Variants in RRM2 observed in about 807,000 individuals in gnomAD.
RRM2 encodes ribonucleotide reductase regulatory subunit M2.
In RRM2, 6 loss-of-function variants were observed where a neutral mutation model predicts 45.9. That is an observed-to-expected ratio of 0.13 (90% CI 0.07 to 0.26). The LOEUF is 0.26. Ranked by LOEUF, RRM2 falls within the 10% of genes least tolerant of loss-of-function variation. RRM2 has a pLI of 1.00. For missense variants in RRM2, 343 were observed against 489.5 expected (o/e 0.70, Z 2.82); for synonymous variants, 177 against 173.0 (o/e 1.02, Z -0.18).
chr2:10,152,222 G>A (rs7424174), intron 3 of RRM2, among the ~76,000 whole-genome samples: 96,377 of 151,644 alleles, frequency 0.64, 31,128 homozygotes, highest in African/African-American at 0.7. Flanking sequence ...TGCTGGGATT[G>A]CAGGTGTGAG....
At position 10,128,894 on chromosome 2, in the gene RRM2, A is replaced by C. The variant is rs1662839781; in HGVS notation, c.845A>C (p.His282Pro). The change falls in exon 8 of 10, where the codon CAC (histidine) becomes CCC (proline). Residue 282 changes from histidine to proline, a missense_variant. By Grantham distance (77) the His-to-Pro change is moderately conservative. Around this residue, in one of 2 missense-constraint regions of RRM2, gnomAD observed 212 missense variants for 368.1 expected, o/e 0.58. Transcript: ENST00000304567. ...TGCCTGATGTTCAAACACCTGGTAC[A>C]CAAACCATCGGAGGAGAGAGTAAGA... The part of the protein sequence containing the change: ...FACLMFKHLV[H>P]KPSEERVREI... The C allele has an allele frequency of 6.2e-7, 1 of 1,614,066 alleles. No individual in the cohort carries two copies. Among genetic ancestry groups the C allele is most frequent in the Non-Finnish European group, 8.5e-7 (1 of 1,180,002 alleles).
intron 3 of RRM2, among the ~76,000 whole-genome samples, chr2:10,153,205 G>A (rs531156491): frequency 6.6e-6 from 1 of 151,886 alleles, no homozygotes; most frequent in Admixed American, 6.6e-5. Flanking sequence ...GTGCTGGCGC[G>A]CACCTGTAGT....
chr2:10,191,233 A>G (rs754520812), intron 3 of RRM2, among the ~76,000 whole-genome samples: 2 of 152,214 alleles, frequency 1.3e-5, no homozygotes, highest in Non-Finnish European at 2.9e-5. Context: ...GTTGGCTGTC[A>G]GGGGAGCAGA....
chr2:10,143,807 A>G (rs1185998061), intron 3 of RRM2, among the ~76,000 whole-genome samples: 1 of 152,118 alleles, frequency 6.6e-6, no homozygotes, highest in East Asian at 1.9e-4. Context: ...AGCTGGGACT[A>G]CAGGTGTGCA....
chr2:10,143,675 T>A (rs1243572279), intron 3 of RRM2, among the ~76,000 whole-genome samples: 1 of 149,016 alleles, frequency 6.7e-6, no homozygotes, highest in Non-Finnish European at 1.5e-5. Context: ...CTCTGCACAA[T>A]TTTTTTTTTT....
intron 3 of RRM2, among the ~76,000 whole-genome samples, chr2:10,154,628 C>T (rs373917615): frequency 6.6e-5 from 10 of 151,004 alleles, no homozygotes; most frequent in African/African-American, 1.5e-4. Flanking sequence ...GACCAAGTTC[C>T]GCTGAGTGGC....
downstream of RRM2, among the ~76,000 whole-genome samples, chr2:10,135,180 G>T (rs931715410): frequency 6.6e-6 from 1 of 152,070 alleles, no homozygotes; most frequent in African/African-American, 2.4e-5. Context: ...GATGAGCAGA[G>T]AAATTGGTTG....
At chr2:10,123,927 G>C (rs1254561172) in intron 4 of RRM2, 75 bp downstream of exon 4, 1 of 871,764 alleles carries the variant, frequency 1.1e-6, no homozygotes, top group African/African-American at 1.7e-5. Context: ...TCCTCGTCTT[G>C]TATGTTTTTC....
intron 3 of RRM2, among the ~76,000 whole-genome samples, chr2:10,209,797 G>A (rs1410211719): frequency 2.0e-5 from 3 of 152,180 alleles, no homozygotes; most frequent in Admixed American, 6.5e-5. Context: ...TCAGTGAATC[G>A]GTGCTTTGAC....
At chr2:10,186,273 G>C (rs561033490) in intron 3 of RRM2, among the ~76,000 whole-genome samples, 312 of 151,970 alleles carry the variant, frequency 2.1e-3, no homozygotes, top group African/African-American at 7.2e-3. Flanking sequence ...TCAGCATCCC[G>C]AGTAGCTGGG....
chr2:10,170,660 G>C (rs1398734703), intron 3 of RRM2, among the ~76,000 whole-genome samples: 2 of 151,942 alleles, frequency 1.3e-5, no homozygotes, highest in African/African-American at 4.8e-5. Context: ...GGTCATTTAC[G>C]GCCTGGGTCT....
chr2:10,161,923 C>A (rs1292646015), intron 3 of RRM2, among the ~76,000 whole-genome samples: 4 of 152,214 alleles, frequency 2.6e-5, no homozygotes, highest in African/African-American at 9.6e-5. Flanking sequence ...AAATTAGAAA[C>A]CTTTTCCTGT....
chr2:10,138,473 T>C (rs1366174960), upstream of RRM2, among the ~76,000 whole-genome samples: 2 of 152,056 alleles, frequency 1.3e-5, no homozygotes, highest in Non-Finnish European at 2.9e-5. Context: ...GGCCAATTTT[T>C]GTATTTTTTA....
intron 3 of RRM2, among the ~76,000 whole-genome samples, chr2:10,158,640 T>C (rs1663486524): frequency 6.6e-6 from 1 of 152,148 alleles, no homozygotes; most frequent in Non-Finnish European, 1.5e-5. Context: ...TGGAATACAA[T>C]TGCAGTGTCT....
chr2:10,180,638 TTCTC>T (rs1664026393), intron 3 of RRM2, among the ~76,000 whole-genome samples: 1 of 152,186 alleles, frequency 6.6e-6, no homozygotes, highest in African/African-American at 2.4e-5. Flanking sequence ...TGGTCCTTCT[TTCTC>T]TTCTTCTATG....
At chr2:10,157,077 G>A (rs1460936519) in intron 3 of RRM2, among the ~76,000 whole-genome samples, 3 of 127,256 alleles carry the variant, frequency 2.4e-5, no homozygotes, top group Non-Finnish European at 3.1e-5. Context: ...GCCGGACTGC[G>A]GACTGCAGTG....
rs1436272048 is a variant in RRM2 at position 10,195,852 on chromosome 2, T to G, written n.483-14459T>G. Reference sequence around the variant, plus strand: ...TAGGATAAACGTGCTAAGGAGGCTCTGGAAAAGAATTTTCCTGCTTGGACA... The same window carrying G: ...TAGGATAAACGTGCTAAGGAGGCTCGGGAAAAGAATTTTCCTGCTTGGACA... On this transcript the variant is annotated intron_variant and non_coding_transcript_variant, in intron 3 of 3. Transcript: ENST00000381786. The surrounding 1 kb of genome is among the most constrained non-coding windows in gnomAD (Gnocchi z 4.9). Among the ~76,000 whole-genome samples the G allele has an allele frequency of 6.6e-6, 1 of 152,174 alleles. No individual in the cohort carries two copies. Among genetic ancestry groups the G allele is most frequent in the Non-Finnish European group, 1.5e-5 (1 of 68,032 alleles).
At position 10,147,559 on chromosome 2, in the gene RRM2, C is replaced by T. The variant is rs563431389; in HGVS notation, n.482+5184C>T. ...GATTACAGGCGTGAGCCACCACGCC[C>T]GGCTAGAGATAAGTTTCTCAAACTC... On this transcript the variant is annotated intron_variant and non_coding_transcript_variant, in intron 3 of 3. Transcript: ENST00000381786. 1.4e-4 allele frequency among the ~76,000 whole-genome samples: 21 copies of T among 152,264 alleles called. No individual in the cohort carries two copies. In the South Asian group the frequency reaches 3.9e-3, roughly 29 times the overall value.
intron 3 of RRM2, among the ~76,000 whole-genome samples, chr2:10,177,921 C>CT (rs1314547237): frequency 0.011 from 1,555 of 141,520 alleles, 25 homozygotes; most frequent in African/African-American, 0.034. Context: ...TGCGCTCAAG[C>CT]TTTTTTTTTT....
Sources: gnomAD v4.1 joint callset for allele counts (sites outside exome capture counted in the v4.1 genomes callset) on GRCh38, gnomAD v4.1.1 for gene constraint, gnomAD v4.1.1 regional missense constraint, Gnocchi (gnomAD v3.1) non-coding constraint, MANE v1.5 for transcripts, NCBI Gene and HGNC (gene_info 2026-07-23, HGNC 2026-07-21) for gene names.